The following CAMKMT variants were observed in gnomAD, a reference collection of about 807,000 sequenced individuals.
The protein encoded by CAMKMT is CaM KMT.
In CAMKMT, 53 loss-of-function variants were observed where a neutral mutation model predicts 48.0. The ratio of observed to expected loss-of-function variants is 1.10; its 90% confidence interval spans 0.89 to 1.39. CAMKMT has a LOEUF of 1.39. Among genes scored for constraint, CAMKMT ranks in the 40% most tolerant of loss-of-function variants. CAMKMT has a pLI of 0.00. For synonymous variants in CAMKMT, 165 were observed against 152.3 expected (o/e 1.08, Z -0.61); for missense variants, 428 against 402.7 (o/e 1.06, Z -0.54).
At chr2:44,539,253 C>T (rs1666955811) in intron 3 of CAMKMT, among the ~76,000 whole-genome samples, 3 of 124,810 alleles carry the variant, frequency 2.4e-5, no homozygotes, top group Non-Finnish European at 3.2e-5. Context: ...TGCAGTGAGC[C>T]AAGATTGTGC....
At chr2:44,612,847 C>T (rs59600390) in intron 3 of CAMKMT, among the ~76,000 whole-genome samples, 1 of 152,130 alleles carries the variant, frequency 6.6e-6, no homozygotes, top group Admixed American at 6.5e-5. Context: ...TTTTCAATCC[C>T]CCTCCTTTCC....
At chr2:44,650,300 G>A (rs1318746672) in intron 3 of CAMKMT, among the ~76,000 whole-genome samples, 2 of 152,124 alleles carry the variant, frequency 1.3e-5, no homozygotes, top group African/African-American at 4.8e-5. Flanking sequence ...CTCCCTGGGT[G>A]TCTCTCTGTC....
rs137935798 is a variant in CAMKMT at position 44,653,997 on chromosome 2, G to C, written c.377-50286G>C. Among the ~76,000 whole-genome samples, 6 of 152,068 alleles carry C rather than the reference G, an allele frequency of 3.9e-5. No homozygotes were observed. The highest frequency in any genetic ancestry group is 3.3e-4 in the Admixed American group (5 of 15,264). ...TGAATTAAAATTTTCTTAGTTTGCC[G>C]TGTATTTTAATTGACTCTGGACAAA... On this transcript the variant is annotated intron_variant, in intron 3 of 10. Coordinates refer to ENST00000378494, the MANE Select transcript of CAMKMT (RefSeq NM_024766.5). This position sits in a 1 kb window ranked among gnomAD's most constrained non-coding sequence, Gnocchi z 5.2.
intron 2 of CAMKMT, among the ~76,000 whole-genome samples, chr2:44,375,935 G>A (rs1679644789): frequency 6.6e-6 from 1 of 152,004 alleles, no homozygotes; most frequent in Non-Finnish European, 1.5e-5. Context: ...ACAGGTGTGT[G>A]CCATCACACC....
At chr2:44,694,307 C>T (rs553005322) in intron 3 of CAMKMT, among the ~76,000 whole-genome samples, 1 of 152,294 alleles carries the variant, frequency 6.6e-6, no homozygotes, top group East Asian at 1.9e-4. Context: ...GGTGCGGTGG[C>T]TCATGCCTGT....
intron 3 of CAMKMT, among the ~76,000 whole-genome samples, chr2:44,677,577 G>A (rs1232583279): frequency 1.3e-5 from 2 of 151,914 alleles, no homozygotes; most frequent in Admixed American, 6.6e-5. Flanking sequence ...GCATGGTGGC[G>A]GGCACCTGTA....
At chr2:44,729,837 A>G (rs1464651632) in intron 7 of CAMKMT, among the ~76,000 whole-genome samples, 3 of 152,212 alleles carry the variant, frequency 2.0e-5, no homozygotes, top group Non-Finnish European at 4.4e-5. Flanking sequence ...CACCAGCATC[A>G]GTTGTATACT....
chr2:44,734,359 T>C (rs1188978412), intron 7 of CAMKMT, among the ~76,000 whole-genome samples: 2 of 152,180 alleles, frequency 1.3e-5, no homozygotes, highest in South Asian at 2.1e-4. Flanking sequence ...TTGAGAATTT[T>C]ACAGAGATTA....
chr2:44,668,010 T>C (rs1441521977), intron 3 of CAMKMT, among the ~76,000 whole-genome samples: 5 of 152,220 alleles, frequency 3.3e-5, no homozygotes, highest in Non-Finnish European at 7.3e-5. Context: ...AGCCTGTCCC[T>C]GAGCAGCTGA....
intron 3 of CAMKMT, among the ~76,000 whole-genome samples, chr2:44,465,097 A>G (rs1668041258): frequency 6.6e-6 from 1 of 152,214 alleles, no homozygotes; most frequent in South Asian, 2.1e-4. Flanking sequence ...TGAATATAAA[A>G]TATAAAAAGA....
At chr2:44,370,251 C>T (rs1452840701) in intron 1 of CAMKMT, among the ~76,000 whole-genome samples, 1 of 152,176 alleles carries the variant, frequency 6.6e-6, no homozygotes, top group Non-Finnish European at 1.5e-5. Context: ...GTAAGACTTG[C>T]ATTAATTCTT....
At chr2:44,517,855 T>A (rs1311935746) in intron 3 of CAMKMT, among the ~76,000 whole-genome samples, 3 of 152,234 alleles carry the variant, frequency 2.0e-5, no homozygotes, top group Admixed American at 6.5e-5. Context: ...AGGGGTCTTG[T>A]TTGACATTTA....
chr2:44,554,475 C>T (rs780762540), intron 3 of CAMKMT, among the ~76,000 whole-genome samples: 3 of 152,126 alleles, frequency 2.0e-5, no homozygotes, highest in Admixed American at 6.5e-5. Context: ...GTGGCTCATG[C>T]CTGTAATCCT....
At chr2:44,595,499 CACAA>C (rs1307874610) in intron 3 of CAMKMT, among the ~76,000 whole-genome samples, 2 of 152,040 alleles carry the variant, frequency 1.3e-5, no homozygotes, top group Admixed American at 6.6e-5. Flanking sequence ...TAAAAGAGGA[CACAA>C]ACAAATGGAA....
intron 3 of CAMKMT, among the ~76,000 whole-genome samples, chr2:44,605,560 A>G (rs1671236914): frequency 6.6e-6 from 1 of 152,162 alleles, no homozygotes; most frequent in Admixed American, 6.5e-5. Flanking sequence ...ATATCATTGA[A>G]AAAGTGTAGT....
chr2:44,550,714 A>G (rs574563173), intron 3 of CAMKMT: 2 of 152,324 alleles, frequency 1.3e-5, no homozygotes, highest in East Asian at 3.9e-4. Context: ...AAAAGCTTGC[A>G]GTGACTGGAT....
chr2:44,643,657 A>T (rs1024337585), intron 3 of CAMKMT, among the ~76,000 whole-genome samples: 8 of 152,184 alleles, frequency 5.3e-5, no homozygotes, highest in Admixed American at 2.0e-4. Flanking sequence ...GGTGTTTGAA[A>T]AAATTGTAGA....
chr2:44,704,863 C>T (rs371080548), intron 4 of CAMKMT, among the ~76,000 whole-genome samples: 1 of 151,188 alleles, frequency 6.6e-6, no homozygotes, highest in East Asian at 1.9e-4. Flanking sequence ...ATTACCATTA[C>T]GGATTCATGC....
At chr2:44,466,112 G>T (rs1668097746) in intron 3 of CAMKMT, among the ~76,000 whole-genome samples, 1 of 152,068 alleles carries the variant, frequency 6.6e-6, no homozygotes, top group African/African-American at 2.4e-5. Context: ...TTTTCATAAG[G>T]GATAGATCAA....
Sources: allele counts gnomAD v4.1 joint callset (sites outside exome capture counted in the v4.1 genomes callset), GRCh38; gene constraint gnomAD v4.1.1; non-coding constraint Gnocchi (gnomAD v3.1); transcripts MANE v1.5; gene names NCBI Gene and HGNC (gene_info 2026-07-23, HGNC 2026-07-21).